The following GAB2 variants were observed in gnomAD, a reference collection of about 807,000 sequenced individuals.
GAB2 encodes the protein GRB2 associated binding protein 2.
A neutral mutation model predicts 65.5 loss-of-function variants in GAB2; 26 were observed. The ratio of observed to expected loss-of-function variants is 0.40; its 90% confidence interval spans 0.29 to 0.55. GAB2 has a LOEUF of 0.55. GAB2 is among the 20% of genes least tolerant of loss of function. The pLI, the probability that GAB2 is intolerant of heterozygous loss-of-function variation, is 0.53. For synonymous variants in GAB2, 321 were observed against 329.6 expected, an observed-to-expected ratio of 0.97 and a Z score of 0.28; for missense variants, 884 against 875.8, an observed-to-expected ratio of 1.01 and a Z score of -0.12.
intron 1 of GAB2, among the ~76,000 whole-genome samples, chr11:78,401,878 G>A (rs775321507): frequency 2.0e-5 from 3 of 152,114 alleles, no homozygotes; most frequent in Admixed American, 6.5e-5. Context: ...GAATATAATC[G>A]AAGAAATAAT....
At chr11:78,264,454 G>GC (rs1865821223) in intron 2 of GAB2, among the ~76,000 whole-genome samples, 1 of 151,546 alleles carries the variant, frequency 6.6e-6, no homozygotes, top group African/African-American at 2.4e-5. Flanking sequence ...AGGCTGGAGT[G>GC]CAGTGGCACG....
chr11:78,285,881 G>A (rs949964003), intron 1 of GAB2, among the ~76,000 whole-genome samples: 4 of 152,134 alleles, frequency 2.6e-5, no homozygotes, highest in South Asian at 2.1e-4. Flanking sequence ...CTATTTCCTC[G>A]GAACCTTCAT....
intron 1 of GAB2, among the ~76,000 whole-genome samples, chr11:78,372,910 G>A (rs1856589937): frequency 6.6e-6 from 1 of 152,042 alleles, no homozygotes; most frequent in Non-Finnish European, 1.5e-5. Context: ...GATTCAGCGT[G>A]TCTTCCCTAT....
At chr11:78,368,571 A>G (rs1027347490) in intron 1 of GAB2, among the ~76,000 whole-genome samples, 2 of 152,240 alleles carry the variant, frequency 1.3e-5, no homozygotes, top group Non-Finnish European at 2.9e-5. Context: ...ATAGAAACAA[A>G]GCATACTACA....
At chr11:78,417,315 A>G (rs1857211244) in intron 1 of GAB2, among the ~76,000 whole-genome samples, 1 of 151,168 alleles carries the variant, frequency 6.6e-6, no homozygotes, top group African/African-American at 2.4e-5. Context: ...CCCAGCCCCG[A>G]GAGTCAACTC....
At chr11:78,260,276 C>G (rs768161502) in intron 2 of GAB2, among the ~76,000 whole-genome samples, 1 of 152,182 alleles carries the variant, frequency 6.6e-6, no homozygotes, top group Non-Finnish European at 1.5e-5. Context: ...GACCTTGATG[C>G]ATACGATCTC....
intron 1 of GAB2, among the ~76,000 whole-genome samples, chr11:78,338,062 A>C (rs1359189877): frequency 1.3e-5 from 2 of 152,246 alleles, no homozygotes; most frequent in East Asian, 1.9e-4. Context: ...TACTCCATAA[A>C]GTATAAAATG....
chr11:78,409,133 A>T (rs1857092169), intron 1 of GAB2, among the ~76,000 whole-genome samples: 1 of 152,232 alleles, frequency 6.6e-6, no homozygotes, highest in African/African-American at 2.4e-5. Flanking sequence ...CATCAGATAT[A>T]GGCTATAATA....
At chr11:78,240,959 C>T (rs910737766) in intron 3 of GAB2, among the ~76,000 whole-genome samples, 3 of 152,204 alleles carry the variant, frequency 2.0e-5, no homozygotes, top group Admixed American at 1.3e-4. Flanking sequence ...AGAAACCCAA[C>T]GCCACATAAG....
intron 3 of GAB2, among the ~76,000 whole-genome samples, chr11:78,241,844 C>G (rs1865144332): frequency 6.6e-6 from 1 of 152,182 alleles, no homozygotes; most frequent in Non-Finnish European, 1.5e-5. Flanking sequence ...GAGACAGACT[C>G]TAATATAATC....
At chr11:78,347,921 A>G (rs1856215923) in intron 1 of GAB2, among the ~76,000 whole-genome samples, 1 of 152,008 alleles carries the variant, frequency 6.6e-6, no homozygotes, top group South Asian at 2.1e-4. Context: ...ACAACTTTTG[A>G]CTCCCCTGAA....
intron 2 of GAB2, among the ~76,000 whole-genome samples, chr11:78,260,669 A>G (rs1352381095): frequency 6.6e-6 from 1 of 151,960 alleles, no homozygotes; most frequent in South Asian, 2.1e-4. Context: ...TCAGGGTTTC[A>G]CCATGTTGGC....
At chr11:78,317,628 C>CA (rs1389412683) in intron 1 of GAB2, among the ~76,000 whole-genome samples, 2 of 147,648 alleles carry the variant, frequency 1.4e-5, no homozygotes, top group African/African-American at 5.0e-5. Context: ...TTATCACAAT[C>CA]AAAAGAAGAA....
chr11:78,310,080 C>A lies in GAB2; in HGVS notation c.76-29179G>T, dbSNP rs151000321. ...AGAGGACAGGTATATTAACCTCAAA[C>A]CATGCATAGGATAAAATCTCGCATA... On this transcript the variant is annotated intron_variant, in intron 1 of 9. Transcript: ENST00000361507. Among the ~76,000 whole-genome samples, 721 of 152,000 alleles carry A rather than the reference C, an allele frequency of 4.7e-3. 9 individuals carry two copies. Among genetic ancestry groups the A allele is most frequent in the African/African-American group, 0.016 (683 of 41,436 alleles).
intron 2 of GAB2, among the ~76,000 whole-genome samples, chr11:78,268,792 G>A (rs1393722831): frequency 6.6e-6 from 1 of 151,400 alleles, no homozygotes; most frequent in Non-Finnish European, 1.5e-5. Context: ...GAAGAGAATA[G>A]GGTCAGGTTT....
Position 78,223,488 on chromosome 11 carries a change from A to G in GAB2, c.1491T>C (p.Pro497=), listed in dbSNP as rs1565112242. ...DSLGYPSTTL[P]VHRGPSRGSE... Reference sequence around the variant, plus strand: ...TTCCTCTGCTGGGGCCTCGGTGCACAGGAAGGGTTGTTGATGGGTAGCCAA... The same window carrying G: ...TTCCTCTGCTGGGGCCTCGGTGCACGGGAAGGGTTGTTGATGGGTAGCCAA... Residue 497 remains proline, a synonymous_variant, in exon 6 of 10, where the codon CCT becomes CCC. Transcript: ENST00000361507. 1 of 1,608,754 alleles carries G rather than the reference A, an allele frequency of 6.2e-7. No individual in the cohort carries two copies. The highest frequency in any genetic ancestry group is 1.3e-5 in the African/African-American group (1 of 74,762).
At chr11:78,305,925 T>C (rs1269162685) in intron 1 of GAB2, among the ~76,000 whole-genome samples, 1 of 152,204 alleles carries the variant, frequency 6.6e-6, no homozygotes, top group Admixed American at 6.5e-5. Flanking sequence ...AATAAAATTC[T>C]AAGACTGAAA....
At chr11:78,287,512 A>G (rs999906356) in intron 1 of GAB2, among the ~76,000 whole-genome samples, 1 of 152,172 alleles carries the variant, frequency 6.6e-6, no homozygotes, top group African/African-American at 2.4e-5. Context: ...TCCTGGGCTC[A>G]AGTAATCTTC....
chr11:78,359,876 C>T (rs575270217), intron 1 of GAB2, among the ~76,000 whole-genome samples: 1 of 152,130 alleles, frequency 6.6e-6, no homozygotes, highest in Non-Finnish European at 1.5e-5. Flanking sequence ...TGAATATTAC[C>T]TTATATGACA....
Sources: allele counts gnomAD v4.1 joint callset (sites outside exome capture counted in the v4.1 genomes callset), GRCh38; gene constraint gnomAD v4.1.1; transcripts MANE v1.5; gene names NCBI Gene and HGNC (gene_info 2026-07-23, HGNC 2026-07-21).